Variants in SYNDIG1 observed in about 807,000 individuals in gnomAD.
SYNDIG1 encodes the protein synapse differentiation-inducing gene protein 1.
In SYNDIG1, 9 loss-of-function variants were observed where a neutral mutation model predicts 19.4. The ratio of observed to expected loss-of-function variants is 0.46; its 90% CI spans 0.28 to 0.81. The LOEUF is 0.81. Ranked by LOEUF, SYNDIG1 falls within the 30% of genes least tolerant of loss-of-function variation. SYNDIG1 has a pLI of 0.12. For synonymous variants in SYNDIG1, 141 were observed against 145.9 expected (o/e 0.97, Z 0.24); for missense variants, 311 against 343.3 (o/e 0.91, Z 0.74).
chr20:24,502,567 G>T (rs975184812), intron 1 of SYNDIG1, among the ~76,000 whole-genome samples: 4 of 152,242 alleles, frequency 2.6e-5, no homozygotes, highest in Non-Finnish European at 4.4e-5. Context: ...TTCTGGGAAA[G>T]AATGACTTTG....
intron 3 of SYNDIG1, 151 bp downstream of exon 3, chr20:24,585,144 G>A (rs977902000): frequency 3.8e-6 from 4 of 1,061,710 alleles, no homozygotes; most frequent in Non-Finnish European, 5.4e-6. Context: ...GGATAGGCTG[G>A]GAGAAGTCGG....
At chr20:24,523,806 C>T (rs2146561341) in intron 1 of SYNDIG1, among the ~76,000 whole-genome samples, 1 of 152,330 alleles carries the variant, frequency 6.6e-6, no homozygotes. Flanking sequence ...TCTTAACTTC[C>T]AGCTGTGCAT....
intron 3 of SYNDIG1, among the ~76,000 whole-genome samples, chr20:24,637,709 C>G (rs1339769574): frequency 6.6e-6 from 1 of 152,218 alleles, no homozygotes; most frequent in Non-Finnish European, 1.5e-5. Context: ...TGCCAGCAGG[C>G]ACCAGTCAAA....
chr20:24,489,123 C>T (rs1023916664), intron 1 of SYNDIG1, among the ~76,000 whole-genome samples: 3 of 152,194 alleles, frequency 2.0e-5, no homozygotes, highest in Non-Finnish European at 4.4e-5. Flanking sequence ...GTGGAGGCCA[C>T]CTTCCCATCT....
At chr20:24,626,086 GA>G (rs1309546193) in intron 3 of SYNDIG1, among the ~76,000 whole-genome samples, 2 of 151,194 alleles carry the variant, frequency 1.3e-5, no homozygotes, top group African/African-American at 4.9e-5. Flanking sequence ...TGGCTGGGCA[GA>G]GGGGCTCCTC....
chr20:24,470,514 T>C (rs576026121), intron 1 of SYNDIG1, among the ~76,000 whole-genome samples: 9 of 152,318 alleles, frequency 5.9e-5, no homozygotes, highest in African/African-American at 2.2e-4. Flanking sequence ...CATACGCTTT[T>C]TTGGTTCCAA....
chr20:24,618,378 G>T (rs1600759192), intron 3 of SYNDIG1, among the ~76,000 whole-genome samples: 1 of 151,736 alleles, frequency 6.6e-6, no homozygotes, highest in Non-Finnish European at 1.5e-5. Context: ...GGGGAAGGGG[G>T]TCCCTGGGGA....
chr20:24,627,082 G>C (rs1195091404), intron 3 of SYNDIG1, among the ~76,000 whole-genome samples: 1 of 151,710 alleles, frequency 6.6e-6, no homozygotes, highest in African/African-American at 2.4e-5. Flanking sequence ...GAGGGAGAGG[G>C]AGACCGTGGG....
intron 1 of SYNDIG1, among the ~76,000 whole-genome samples, chr20:24,505,266 G>A (rs1449274763): frequency 6.6e-6 from 1 of 152,186 alleles, no homozygotes; most frequent in Admixed American, 6.5e-5. Flanking sequence ...ACCAGCCAAG[G>A]GTGCGCAGCC....
intron 3 of SYNDIG1, among the ~76,000 whole-genome samples, chr20:24,596,111 C>T (rs920993422): frequency 1.8e-4 from 27 of 152,154 alleles, no homozygotes; most frequent in African/African-American, 5.5e-4. Context: ...AAGCTTCCCT[C>T]TTTGCACTGT....
chr20:24,556,270 C>T (rs569864413), intron 2 of SYNDIG1, among the ~76,000 whole-genome samples: 99 of 152,274 alleles, frequency 6.5e-4, no homozygotes, highest in African/African-American at 2.3e-3. Flanking sequence ...ATTTGCCAGT[C>T]TGTGTCTTTT....
At chr20:24,496,094 C>T (rs1375073425) in intron 1 of SYNDIG1, among the ~76,000 whole-genome samples, 2 of 152,186 alleles carry the variant, frequency 1.3e-5, no homozygotes, top group Non-Finnish European at 1.5e-5. Flanking sequence ...ATCAGCCCGC[C>T]TCGGCCTCCC....
At chr20:24,473,619 C>T (rs889301308) in intron 1 of SYNDIG1, among the ~76,000 whole-genome samples, 4 of 152,214 alleles carry the variant, frequency 2.6e-5, no homozygotes, top group Non-Finnish European at 4.4e-5. Flanking sequence ...GGGGGAGGGA[C>T]GCACTGGGGA....
At chr20:24,477,888 A>G (rs1464463121) in intron 1 of SYNDIG1, among the ~76,000 whole-genome samples, 1 of 152,208 alleles carries the variant, frequency 6.6e-6, no homozygotes, top group African/African-American at 2.4e-5. Context: ...CTACACGGTT[A>G]TAGATACTCC....
At position 24,508,537 on chromosome 20, in the gene SYNDIG1, T is replaced by A. The variant is rs559586488; in HGVS notation, c.-78-34483T>A. 4.6e-5 allele frequency among the ~76,000 whole-genome samples: 7 copies of A among 152,204 alleles called. No individual in the cohort carries two copies. In the South Asian group the frequency reaches 1.5e-3, roughly 32 times the overall value. On this transcript the variant is annotated intron_variant, in intron 1 of 3. Transcript: ENST00000376862. ...CCTGCCCAGGAGGATAATATTTAAA[T>A]GTCAGATAATTTCAAAGCCCCAGTG...
At chr20:24,574,784 A>G (rs1281097805) in intron 2 of SYNDIG1, among the ~76,000 whole-genome samples, 9 of 152,226 alleles carry the variant, frequency 5.9e-5, no homozygotes, top group Non-Finnish European at 1.3e-4. Context: ...TTACCTTCAC[A>G]AAGACAAACC....
intron 1 of SYNDIG1, among the ~76,000 whole-genome samples, chr20:24,492,731 C>A (rs1462087747): frequency 6.6e-6 from 1 of 152,240 alleles, no homozygotes; most frequent in Non-Finnish European, 1.5e-5. Flanking sequence ...GGGCCCAGCA[C>A]CCAGCTTACC....
intron 3 of SYNDIG1, among the ~76,000 whole-genome samples, chr20:24,601,237 A>G (rs1026876612): frequency 1.3e-5 from 2 of 152,206 alleles, no homozygotes; most frequent in Non-Finnish European, 2.9e-5. Flanking sequence ...TCTTTTGCTT[A>G]ACATTTTTGT....
In SYNDIG1 at chr20:24,637,201, A is replaced by G. The variant is rs1032207645; in HGVS notation, c.619-28145A>G. Among the ~76,000 whole-genome samples the G allele has an allele frequency of 3.9e-5, 6 of 152,360 alleles. No individual in the cohort carries two copies. The South Asian group carries it at 1.0e-3, about 26-fold the overall frequency. On this transcript the variant is annotated intron_variant, in intron 3 of 3. Transcript: ENST00000376862. ...CTCCTACAGAATCCCACATGGAACT[A>G]CATGCAGCATAGATGCCAAATACAT...
Sources: allele counts gnomAD v4.1 joint callset (sites outside exome capture counted in the v4.1 genomes callset), GRCh38; gene constraint gnomAD v4.1.1; transcripts MANE v1.5; gene names NCBI Gene and HGNC (gene_info 2026-07-23, HGNC 2026-07-21).